Variants in WDR43 observed in about 807,000 individuals in gnomAD.
The protein encoded by WDR43 is WD repeat-containing protein 43.
WDR43 carries 13 observed loss-of-function variants against 91.4 expected under a neutral mutation model. The ratio of observed to expected loss-of-function variants is 0.14; its 90% CI spans 0.09 to 0.23. The LOEUF is 0.23. WDR43 is among the 10% of genes least tolerant of loss of function. WDR43 has a pLI of 1.00. For synonymous variants in WDR43, 331 were observed against 287.9 expected (o/e 1.15, Z -1.51); for missense variants, 780 against 809.4 (o/e 0.96, Z 0.44).
At chr2:28,929,842 T>G (rs1218756309) in intron 11 of WDR43, 132 bp downstream of exon 11, 6 of 969,294 alleles carry the variant, frequency 6.2e-6, no homozygotes, top group Non-Finnish European at 9.2e-6. Context: ...ATGAGTTTAG[T>G]CAAACATGTA....
chr2:28,946,901 C>T lies in WDR43; in HGVS notation c.*122C>T. 1.7e-6 allele frequency: 2 copies of T among 1,159,790 alleles called. No individual in the cohort carries two copies. The highest frequency in any genetic ancestry group is 2.4e-6 in the Non-Finnish European group (2 of 847,512). The allele number at this position is 1,159,790 out of a possible 1,614,324, so 71.8% of individuals were successfully genotyped here. On this transcript the variant is annotated 3_prime_UTR_variant, in exon 18 of 18. Coordinates refer to ENST00000407426, the MANE Select transcript of WDR43 (RefSeq NM_015131.3). Reference sequence around the variant, plus strand: ...CATTTCCAAATTCACAGCAGTGGATCCCATGCCACTTTGCTGTCCTGAGCA... The same window carrying T: ...CATTTCCAAATTCACAGCAGTGGATTCCATGCCACTTTGCTGTCCTGAGCA...
chr2:28,927,036 C>T (rs771061671), intron 9 of WDR43: 8 of 517,764 alleles, frequency 1.5e-5, no homozygotes, highest in Admixed American at 3.9e-5. Context: ...GGACGTGTTT[C>T]GTGGTTTAGT....
chr2:28,936,457 G>A (rs1671339275), intron 12 of WDR43, among the ~76,000 whole-genome samples: 1 of 152,092 alleles, frequency 6.6e-6, no homozygotes, highest in South Asian at 2.1e-4. Context: ...ATGTGTTTTT[G>A]TAATACTGCC....
chr2:28,909,421 C>G (rs961567851), intron 3 of WDR43, among the ~76,000 whole-genome samples: 1 of 152,156 alleles, frequency 6.6e-6, no homozygotes, highest in African/African-American at 2.4e-5. Context: ...GTGTGAGCTA[C>G]CATGCCTAGC....
rs542211880 is a variant in WDR43 at position 28,942,062 on chromosome 2, A to C, written c.1735-250A>C. ...TGTTATACAGTTAGTAAGTTATAGG[A>C]TATTTATACAGTTAAAATTTTGGCA... On this transcript the variant is annotated intron_variant, in intron 15 of 17. Transcript: ENST00000407426. 2.6e-5 allele frequency among the ~76,000 whole-genome samples: 4 copies of C among 152,300 alleles called. No homozygotes were observed. In the East Asian group the frequency reaches 7.7e-4, roughly 29 times the overall value.
intron 11 of WDR43, among the ~76,000 whole-genome samples, chr2:28,930,718 A>G (rs936253870): frequency 4.6e-5 from 7 of 152,200 alleles, no homozygotes; most frequent in Non-Finnish European, 2.9e-5. Context: ...CTTCCTCAGT[A>G]GGTACAAATG....
At position 28,910,660 on chromosome 2, in the gene WDR43, C is replaced by T. The variant is rs184796882; in HGVS notation, c.486-1930C>T. Among the ~76,000 whole-genome samples the T allele has an allele frequency of 1.7e-3, 203 of 117,060 alleles. 2 individuals carry two copies. The East Asian group carries it at 0.047, about 27-fold the overall frequency. The allele number at this position is 117,060 out of a possible 152,430, so 76.8% of individuals were successfully genotyped here. A position where few individuals can be genotyped will look rare whatever the true frequency, so the allele number is the denominator to read the frequency against. On this transcript the variant is annotated intron_variant, in intron 3 of 17. Coordinates refer to ENST00000407426, the MANE Select transcript of WDR43 (RefSeq NM_015131.3). Reference sequence around the variant, plus strand: ...GCTTTTTACATATATATACAGATAACGTGCGTGTGTGTGTGTAAATATATA... The same window carrying T: ...GCTTTTTACATATATATACAGATAATGTGCGTGTGTGTGTGTAAATATATA...
chr2:28,917,549 C>CT (rs146932078), intron 5 of WDR43, among the ~76,000 whole-genome samples: 150 of 152,140 alleles, frequency 9.9e-4, no homozygotes, highest in African/African-American at 3.4e-3. Flanking sequence ...CATTGGAAGA[C>CT]TAAGATTGAT....
intron 12 of WDR43, 115 bp from the exon 13 acceptor site, chr2:28,936,806 TA>T: frequency 1.0e-6 from 1 of 971,016 alleles, no homozygotes; most frequent in Non-Finnish European, 1.6e-6. Flanking sequence ...TTATGCGGTT[TA>T]AAATAGACTA....
chr2:28,943,155 A>G (rs1293805547), intron 16 of WDR43, among the ~76,000 whole-genome samples: 1 of 151,980 alleles, frequency 6.6e-6, no homozygotes, highest in Non-Finnish European at 1.5e-5. Flanking sequence ...TCTTTTTTGC[A>G]CAGACTCTCT....
chr2:28,943,544 AC>A (rs1436955281), intron 16 of WDR43, among the ~76,000 whole-genome samples: 1 of 152,210 alleles, frequency 6.6e-6, no homozygotes, highest in Non-Finnish European at 1.5e-5. Flanking sequence ...ATCCTCAAAT[AC>A]CCTGAGTAGC....
intron 12 of WDR43, 73 bp from the exon 13 acceptor site, chr2:28,936,849 A>G: frequency 7.6e-7 from 1 of 1,314,856 alleles, no homozygotes; most frequent in South Asian, 1.3e-5. Flanking sequence ...CAATATTGTC[A>G]TTGTATCATA....
intron 16 of WDR43, among the ~76,000 whole-genome samples, chr2:28,943,626 A>G (rs1208539591): frequency 6.6e-6 from 1 of 152,212 alleles, no homozygotes; most frequent in Non-Finnish European, 1.5e-5. Context: ...ATAGATTGGC[A>G]ATAGCTACCC....
intron 8 of WDR43, among the ~76,000 whole-genome samples, chr2:28,925,806 A>G (rs538715798): frequency 7.9e-5 from 12 of 152,270 alleles, no homozygotes; most frequent in South Asian, 6.2e-4. Flanking sequence ...TAAAAAAATA[A>G]AAAAAGGAGA....
At position 28,894,867 on chromosome 2, in the gene WDR43, C is replaced by T. The variant is rs1245026610; in HGVS notation, c.169C>T (p.His57Tyr). 4.3e-6 allele frequency: 7 copies of T among 1,609,752 alleles called. No individual in the cohort carries two copies. Among genetic ancestry groups the T allele is most frequent in the East Asian group, 4.5e-5 (2 of 44,732 alleles). The change falls in exon 1 of 18, where the codon CAC (histidine) becomes TAC (tyrosine). Residue 57 changes from histidine (H) to tyrosine (Y), a missense_variant. Physicochemically the swap from His to Tyr is moderately conservative, Grantham distance 83. Coordinates refer to ENST00000407426, the MANE Select transcript of WDR43 (RefSeq NM_015131.3). ...GCACCAGGAGTACGTGCCTTCCGCG[C>T]ACCTCAGTGGTACCTGCACCTGTCT... The part of the protein sequence containing the change: ...RLHQEYVPSA[H>Y]LSGTCTCLAW...
intron 3 of WDR43, among the ~76,000 whole-genome samples, chr2:28,909,395 A>G (rs1276314357): frequency 2.6e-5 from 4 of 152,098 alleles, no homozygotes; most frequent in Admixed American, 6.5e-5. Context: ...GGCCTCCCAA[A>G]GTGCTGGGAT....
intron 3 of WDR43, among the ~76,000 whole-genome samples, chr2:28,912,260 A>G (rs1029469557): frequency 2.7e-4 from 41 of 152,142 alleles, no homozygotes; most frequent in African/African-American, 9.4e-4. Flanking sequence ...GACATTCGCA[A>G]AGTTCATCTC....
At chr2:28,897,738 T>G (rs1670509319) in intron 1 of WDR43, among the ~76,000 whole-genome samples, 1 of 152,322 alleles carries the variant, frequency 6.6e-6, no homozygotes, top group African/African-American at 2.4e-5. Context: ...AGTGCTGGGT[T>G]TCTTGGGTAA....
chr2:28,917,971 A>C lies in WDR43; in HGVS notation c.825A>C (p.Leu275Phe), dbSNP rs749561432. The change falls in exon 6 of 18, where the codon TTA becomes TTC. Residue 275 changes from leucine to phenylalanine, a missense_variant. Physicochemically the swap from Leu to Phe is conservative, Grantham distance 22. Around this residue, in one of 4 missense-constraint regions of WDR43, gnomAD observed 426 missense variants for 467.8 expected, o/e 0.91. Transcript: ENST00000407426. ...CCGATGAACCTGTCTATATTGACTT[A>C]ACTTTGTCAGAAAACAAAGAAGAGG... The part of the protein sequence containing the change: ...TVTDEPVYID[L>F]TLSENKEEPV... 1 of 1,580,260 alleles carries C rather than the reference A, an allele frequency of 6.3e-7. No homozygotes were observed. The highest frequency in any genetic ancestry group is 2.3e-5 in the East Asian group (1 of 43,870).
Sources: allele counts gnomAD v4.1 joint callset (sites outside exome capture counted in the v4.1 genomes callset), GRCh38; gene constraint gnomAD v4.1.1; regional missense constraint gnomAD v4.1.1; transcripts MANE v1.5; gene names NCBI Gene and HGNC (gene_info 2026-07-23, HGNC 2026-07-21).